The following ATP2B2 variants were observed in gnomAD, a reference collection of about 807,000 sequenced individuals.
ATP2B2 encodes the protein plasma membrane calcium-transporting ATPase 2.
ATP2B2 carries 15 observed loss-of-function variants against 120.0 expected under a neutral mutation model. That is an observed-to-expected ratio of 0.12 (90% CI 0.08 to 0.19). ATP2B2 has a LOEUF of 0.19. Among genes scored for constraint, ATP2B2 ranks in the 10% least tolerant of loss-of-function variants. The pLI is 1.00. For synonymous variants in ATP2B2, 694 were observed against 700.3 expected (o/e 0.99, Z 0.14); for missense variants, 1,045 against 1,719.8 (o/e 0.61, Z 6.94).
intron 12 of ATP2B2, among the ~76,000 whole-genome samples, chr3:10,361,903 G>A (rs2060911019): frequency 1.3e-5 from 2 of 152,220 alleles, no homozygotes; most frequent in Non-Finnish European, 1.5e-5. Context: ...TGGTGGGGGA[G>A]ACTGGTTAAT....
chr3:10,390,250 A>C (rs2061804966), intron 5 of ATP2B2, among the ~76,000 whole-genome samples: 1 of 152,000 alleles, frequency 6.6e-6, no homozygotes, highest in South Asian at 2.1e-4. Flanking sequence ...TCCTGTTTTC[A>C]GCATAACTTA....
At chr3:10,685,094 G>C (rs985261688) in intron 1 of ATP2B2, among the ~76,000 whole-genome samples, 7 of 152,136 alleles carry the variant, frequency 4.6e-5, no homozygotes, top group Non-Finnish European at 4.4e-5. Context: ...CCTTCTCTGA[G>C]GTTCTTCTCA....
chr3:10,630,029 C>T (rs931060005), intron 1 of ATP2B2, among the ~76,000 whole-genome samples: 47 of 152,178 alleles, frequency 3.1e-4, no homozygotes, highest in African/African-American at 1.0e-3. Flanking sequence ...TCTCACTGTC[C>T]GTCCAAGGCT....
At chr3:10,640,450 C>A (rs9310369) in intron 1 of ATP2B2, among the ~76,000 whole-genome samples, 1 of 152,014 alleles carries the variant, frequency 6.6e-6, no homozygotes, top group Non-Finnish European at 1.5e-5. Context: ...GCAACAAGGG[C>A]AAGGCACTGG....
rs545680769 is a variant in ATP2B2, at chr3:10,336,372, C to T, written c.3420+1804G>A. On this transcript the variant is annotated intron_variant, in intron 22 of 22. Transcript: ENST00000360273. ...AACGGCTACATGACTGACAGGGCAA[C>T]GTCACAAGAACAGCCGCAGCCACGG... The T allele has an allele frequency of 4.4e-4, 642 of 1,448,380 alleles. 12 individuals carry two copies. The South Asian group carries it at 7.4e-3, about 17-fold the overall frequency. 89.7% of individuals were successfully genotyped at this position (1,448,380 alleles called of 1,614,324 possible).
intron 2 of ATP2B2, among the ~76,000 whole-genome samples, chr3:10,574,665 G>A (rs1225606302): frequency 3.3e-5 from 5 of 152,046 alleles, no homozygotes; most frequent in African/African-American, 1.2e-4. Context: ...AAAACATGGA[G>A]CACACATATT....
chr3:10,553,235 T>A (rs73028997), intron 2 of ATP2B2, among the ~76,000 whole-genome samples: 6,753 of 152,276 alleles, frequency 0.044, 191 homozygotes, highest in East Asian at 0.13. Flanking sequence ...CAGACCTAGA[T>A]TTCTGCAGAG....
intron 19 of ATP2B2, among the ~76,000 whole-genome samples, chr3:10,341,082 C>G (rs138225037): frequency 6.6e-6 from 1 of 152,134 alleles, no homozygotes; most frequent in Non-Finnish European, 1.5e-5. Context: ...TGCGCTGCCC[C>G]GAGAGTGCTG....
intron 1 of ATP2B2, among the ~76,000 whole-genome samples, chr3:10,625,816 T>C (rs568159900): frequency 2.6e-4 from 39 of 152,328 alleles, no homozygotes; most frequent in African/African-American, 9.1e-4. Context: ...GTGCGCGTAT[T>C]GTATGTTTAA....
intron 2 of ATP2B2, among the ~76,000 whole-genome samples, chr3:10,576,098 C>T (rs1381336696): frequency 6.6e-6 from 1 of 152,202 alleles, no homozygotes; most frequent in African/African-American, 2.4e-5. Context: ...GGCCCTACAG[C>T]TAGTTGCTGG....
At position 10,358,690 on chromosome 3, in the gene ATP2B2, C is replaced by T. The variant is rs1553652886; in HGVS notation, c.2136+1G>A. 6.2e-7 allele frequency: 1 copy of T among 1,614,158 alleles called. No homozygotes were observed. The highest frequency in any genetic ancestry group is 2.2e-5 in the East Asian group (1 of 44,884). On this transcript the variant is annotated splice_donor_variant, in intron 14 of 22. Transcript: ENST00000360273. LOFTEE classifies it high-confidence loss of function. ...CTGAGCTCGCTGGCCCTGGGGCCTA[C>T]CTCTGGCCGCACCGGGTCCTCGATG...
intron 1 of ATP2B2, among the ~76,000 whole-genome samples, chr3:10,485,924 G>A (rs2065631602): frequency 6.6e-6 from 1 of 152,174 alleles, no homozygotes; most frequent in Admixed American, 6.5e-5. Context: ...CCCCACAATG[G>A]CCCTGAGCGG....
At chr3:10,411,276 A>T (rs1345559661) in intron 2 of ATP2B2, among the ~76,000 whole-genome samples, 1 of 152,194 alleles carries the variant, frequency 6.6e-6, no homozygotes, top group Admixed American at 6.5e-5. Context: ...CAGACGCTGG[A>T]AGAGGCAAGG....
At chr3:10,579,614 G>A (rs879876719) in intron 2 of ATP2B2, among the ~76,000 whole-genome samples, 2 of 152,204 alleles carry the variant, frequency 1.3e-5, no homozygotes, top group African/African-American at 4.8e-5. Flanking sequence ...TTCGAGACCA[G>A]CCTGGCCAAA....
intron 1 of ATP2B2, among the ~76,000 whole-genome samples, chr3:10,620,499 G>A (rs1483268151): frequency 2.0e-5 from 3 of 152,188 alleles, no homozygotes; most frequent in African/African-American, 7.2e-5. Flanking sequence ...CTACAAAGGT[G>A]TGGCAGGAGT....
intron 2 of ATP2B2, among the ~76,000 whole-genome samples, chr3:10,547,138 C>A (rs1216126982): frequency 6.6e-6 from 1 of 151,920 alleles, no homozygotes; most frequent in African/African-American, 2.4e-5. Context: ...GAGAGGAGAG[C>A]AGCTCGGGTC....
intron 1 of ATP2B2, among the ~76,000 whole-genome samples, chr3:10,657,883 C>T (rs574064092): frequency 6.6e-6 from 1 of 152,226 alleles, no homozygotes; most frequent in African/African-American, 2.4e-5. Flanking sequence ...CAGCTGGGTA[C>T]CCCTCTGAGA....
At chr3:10,495,441 G>A (rs138362349) in intron 1 of ATP2B2, among the ~76,000 whole-genome samples, 1 of 152,310 alleles carries the variant, frequency 6.6e-6, no homozygotes, top group Non-Finnish European at 1.5e-5. Context: ...ATCTGTAAAT[G>A]GATCCAGTCG....
intron 1 of ATP2B2, among the ~76,000 whole-genome samples, chr3:10,475,724 C>T (rs886584531): frequency 2.6e-5 from 4 of 152,340 alleles, no homozygotes; most frequent in African/African-American, 9.6e-5. Flanking sequence ...GCTCAGAGGA[C>T]AGAGCCAGGG....
Sources: gnomAD v4.1 joint callset for allele counts (sites outside exome capture counted in the v4.1 genomes callset) on GRCh38, gnomAD v4.1.1 for gene constraint, MANE v1.5 for transcripts, NCBI Gene and HGNC (gene_info 2026-07-23, HGNC 2026-07-21) for gene names.